TSGA10: variants seen among roughly 807,000 people sequenced by gnomAD.
TSGA10 encodes the protein testis-specific gene 10 protein.
TSGA10 carries 43 observed loss-of-function variants against 96.6 expected under a neutral mutation model. That is an observed-to-expected ratio of 0.44 (90% CI 0.35 to 0.57). The LOEUF is 0.57. Ranked by LOEUF, TSGA10 falls within the 20% of genes least tolerant of loss-of-function variation. The pLI is 0.01. For synonymous variants in TSGA10, 229 were observed against 269.9 expected, an observed-to-expected ratio of 0.85 and a Z score of 1.48; for missense variants, 703 against 834.4, an observed-to-expected ratio of 0.84 and a Z score of 1.94.
At chr2:99,013,000 G>A (rs1420634347) in intron 20 of TSGA10, among the ~76,000 whole-genome samples, 1 of 152,028 alleles carries the variant, frequency 6.6e-6, no homozygotes, top group Non-Finnish European at 1.5e-5. Context: ...CTTATCTTTT[G>A]TAATTTTTTT....
intron 17 of TSGA10, among the ~76,000 whole-genome samples, chr2:99,032,662 C>T (rs79402687): frequency 0.018 from 2,767 of 152,314 alleles, 88 homozygotes; most frequent in African/African-American, 0.063. Flanking sequence ...AAACACATTG[C>T]TAATGCTAAG....
chr2:99,086,450 C>A (rs1159111359), intron 10 of TSGA10, among the ~76,000 whole-genome samples: 4 of 152,174 alleles, frequency 2.6e-5, no homozygotes, highest in African/African-American at 7.2e-5. Context: ...AAAAATTAAT[C>A]AATAATAACT....
chr2:99,014,465 T>C (rs1212764386), intron 20 of TSGA10, among the ~76,000 whole-genome samples: 1 of 152,150 alleles, frequency 6.6e-6, no homozygotes, highest in Non-Finnish European at 1.5e-5. Flanking sequence ...ACACAACTTA[T>C]CAAAACATCT....
chr2:99,107,273 T>C (rs1270191453), intron 7 of TSGA10, among the ~76,000 whole-genome samples: 1 of 152,200 alleles, frequency 6.6e-6, no homozygotes, highest in Non-Finnish European at 1.5e-5. Context: ...ATGCCTTATA[T>C]GTGCACTAGT....
chr2:99,094,150 G>A (rs1481622245), intron 10 of TSGA10, among the ~76,000 whole-genome samples: 1 of 152,122 alleles, frequency 6.6e-6, no homozygotes, highest in Non-Finnish European at 1.5e-5. Context: ...ATGAAGTAGG[G>A]GAAAGGACAC....
At chr2:99,062,425 T>G (rs769923041) in intron 16 of TSGA10, among the ~76,000 whole-genome samples, 1 of 152,190 alleles carries the variant, frequency 6.6e-6, no homozygotes. Context: ...TCAAGTCCCC[T>G]GCACATTGGA....
chr2:99,055,643 C>T (rs1293770109), intron 16 of TSGA10, among the ~76,000 whole-genome samples: 1 of 151,564 alleles, frequency 6.6e-6, no homozygotes, highest in Non-Finnish European at 1.5e-5. Flanking sequence ...GGAATAAAGC[C>T]AGGCAGAGTT....
chr2:99,137,760 A>G (rs566187898), intron 1 of TSGA10, among the ~76,000 whole-genome samples: 1 of 152,172 alleles, frequency 6.6e-6, no homozygotes, highest in East Asian at 1.9e-4. Context: ...AATATAGAGA[A>G]GTGGATGGAT....
At chr2:99,053,410 A>G (rs1448453919) in intron 16 of TSGA10, among the ~76,000 whole-genome samples, 1 of 152,150 alleles carries the variant, frequency 6.6e-6, no homozygotes, top group African/African-American at 2.4e-5. Context: ...AGGATCATAC[A>G]CCATAATCAA....
intron 16 of TSGA10, among the ~76,000 whole-genome samples, chr2:99,053,319 C>T (rs2083596612): frequency 6.9e-6 from 1 of 144,062 alleles, no homozygotes; most frequent in East Asian, 2.0e-4. Context: ...AACTACATGC[C>T]AATATTCTTC....
chr2:99,088,295 TA>T (rs2088822948), intron 10 of TSGA10, among the ~76,000 whole-genome samples: 1 of 152,250 alleles, frequency 6.6e-6, no homozygotes, highest in Non-Finnish European at 1.5e-5. Flanking sequence ...AATATGTGGT[TA>T]TAATTAGTTA....
rs115076954 is a variant in TSGA10, at chr2:99,092,542, A to G, written c.612-11145T>C. Among the ~76,000 whole-genome samples, 1,453 of 152,286 alleles carry G rather than the reference A, an allele frequency of 9.5e-3. 14 individuals carry two copies. Among genetic ancestry groups the G allele is most frequent in the African/African-American group, 0.033 (1,380 of 41,570 alleles). On this transcript the variant is annotated intron_variant, in intron 10 of 20. Transcript: ENST00000393483. ...GATAGACCATTAGCGAGATTTAACT[A>G]AGAAGACAGAAGATACAAATAAGCT...
At chr2:99,051,589 C>T (rs944121010) in intron 16 of TSGA10, among the ~76,000 whole-genome samples, 3 of 152,034 alleles carry the variant, frequency 2.0e-5, no homozygotes, top group East Asian at 1.9e-4. Flanking sequence ...CAGAAGATAA[C>T]AGGTAAATAG....
At chr2:99,110,963 T>A in intron 4 of TSGA10, 48 bp from the exon 5 acceptor site, 2 of 513,862 alleles carry the variant, frequency 3.9e-6, no homozygotes, top group Non-Finnish European at 5.0e-6. Context: ...TAAAGATGTT[T>A]AAACTAATTG....
intron 1 of TSGA10, among the ~76,000 whole-genome samples, chr2:99,135,625 T>G (rs2093292519): frequency 6.6e-6 from 1 of 152,236 alleles, no homozygotes; most frequent in African/African-American, 2.4e-5. Flanking sequence ...ATTATCCTAG[T>G]TCTGCCACAT....
At chr2:99,106,860 T>C (rs2091402550) in intron 7 of TSGA10, among the ~76,000 whole-genome samples, 1 of 152,170 alleles carries the variant, frequency 6.6e-6, no homozygotes, top group South Asian at 2.1e-4. Context: ...ACTTAACGTT[T>C]CTGCTCCTCT....
intron 4 of TSGA10, among the ~76,000 whole-genome samples, chr2:99,116,054 TGC>T (rs1490518303): frequency 6.6e-6 from 1 of 152,226 alleles, no homozygotes; most frequent in Non-Finnish European, 1.5e-5. Flanking sequence ...ATAATTTAAT[TGC>T]TTTATTATTT....
chr2:99,093,464 CTGTT>C (rs2089617577), intron 10 of TSGA10, among the ~76,000 whole-genome samples: 1 of 152,180 alleles, frequency 6.6e-6, no homozygotes, highest in Non-Finnish European at 1.5e-5. Context: ...CAAACTGTCA[CTGTT>C]TGCTGATGAT....
chr2:99,098,807 C>T (rs1185264382), intron 10 of TSGA10, among the ~76,000 whole-genome samples: 25 of 152,198 alleles, frequency 1.6e-4, no homozygotes, highest in Admixed American at 1.2e-3. Context: ...TATATACTAA[C>T]TTGCGTAAGA....
Sources: gnomAD v4.1 joint callset for allele counts (sites outside exome capture counted in the v4.1 genomes callset) on GRCh38, gnomAD v4.1.1 for gene constraint, MANE v1.5 for transcripts, NCBI Gene and HGNC (gene_info 2026-07-23, HGNC 2026-07-21) for gene names.